FRMPD4: variants seen among roughly 807,000 people sequenced by gnomAD.
The protein encoded by FRMPD4 is FERM and PDZ domain containing 4.
A neutral mutation model predicts 94.1 loss-of-function variants in FRMPD4; 22 were observed. The observed-to-expected ratio is 0.23, with a 90% CI of 0.17 to 0.33. The LOEUF is 0.33. Ranked by LOEUF, FRMPD4 falls within the 10% of genes least tolerant of loss-of-function variation. FRMPD4 has a pLI of 1.00. For synonymous variants in FRMPD4, 631 were observed against 548.6 expected, an observed-to-expected ratio of 1.15 and a Z score of -2.10; for missense variants, 1,111 against 1,339.9, an observed-to-expected ratio of 0.83 and a Z score of 2.67.
chrX:12,095,366 ACTCT>A (rs1194265485), intron 3 of FRMPD4, among the ~76,000 whole-genome samples: 1 of 98,570 alleles, frequency 1.0e-5, no homozygotes, highest in Non-Finnish European at 2.0e-5. Context: ...TGAGAGTAAG[ACTCT>A]CTGTCTCAAA....
At chrX:12,039,222 T>C (rs2054738090) in intron 3 of FRMPD4, among the ~76,000 whole-genome samples, 3 of 106,555 alleles carry the variant, frequency 2.8e-5, no homozygotes. Flanking sequence ...TATTTATTTT[T>C]ATTTTTTTTT....
At chrX:12,399,546 ACAGT>A (rs929422847) in intron 1 of FRMPD4, among the ~76,000 whole-genome samples, 1 of 112,150 alleles carries the variant, frequency 8.9e-6, no homozygotes, top group South Asian at 3.7e-4. Context: ...AGTAACATAA[ACAGT>A]CAATTAACAC....
chrX:12,301,963 C>T (rs1432370055), intron 1 of FRMPD4, among the ~76,000 whole-genome samples: 2 of 112,152 alleles, frequency 1.8e-5, no homozygotes, highest in East Asian at 5.6e-4. Context: ...CTTTTACTGT[C>T]TCCACACAGC....
chrX:12,414,362 A>G (rs2056772309), intron 1 of FRMPD4, among the ~76,000 whole-genome samples: 1 of 112,444 alleles, frequency 8.9e-6, no homozygotes, highest in South Asian at 3.6e-4. Context: ...ATTATATTTG[A>G]ATCAAAGACT....
In FRMPD4 at chrX:12,191,935, T is replaced by C. The variant is rs182506351; in HGVS notation, c.41+52923T>C. On this transcript the variant is annotated intron_variant, in intron 1 of 16. Transcript: ENST00000675598. ...TTGTAATAAATGTACCACTGTGATA[T>C]GGGATTTTGATAGTTGGGGAGTCTG... 3.6e-5 allele frequency among the ~76,000 whole-genome samples: 4 copies of C among 111,919 alleles called. No homozygotes were observed. In the East Asian group the frequency reaches 8.5e-4, roughly 24 times the overall value.
chrX:12,682,834 G>A (rs772013390), intron 5 of FRMPD4, among the ~76,000 whole-genome samples: 1 of 111,900 alleles, frequency 8.9e-6, no homozygotes, highest in Non-Finnish European at 1.9e-5. Context: ...ATAAGATGAG[G>A]AAGAATATGA....
chrX:12,168,818 G>C (rs1601654083), intron 1 of FRMPD4, among the ~76,000 whole-genome samples: 1 of 110,011 alleles, frequency 9.1e-6, no homozygotes, highest in Non-Finnish European at 1.9e-5. Context: ...GTAGAGACGG[G>C]GTTTCACCAG....
chrX:12,593,047 A>G (rs781099516), intron 2 of FRMPD4, among the ~76,000 whole-genome samples: 20 of 111,601 alleles, frequency 1.8e-4, no homozygotes, highest in Non-Finnish European at 3.4e-4. Flanking sequence ...CAAGACTGGC[A>G]TCCTTGATTT....
intron 1 of FRMPD4, among the ~76,000 whole-genome samples, chrX:12,432,611 G>A (rs1356936281): frequency 2.7e-5 from 3 of 111,930 alleles, no homozygotes; most frequent in Admixed American, 9.4e-5. Context: ...GGCTGTCTTC[G>A]GTTCCTTGCT....
chrX:12,098,641 A>G (rs760933324), intron 3 of FRMPD4, among the ~76,000 whole-genome samples: 2 of 111,726 alleles, frequency 1.8e-5, no homozygotes, highest in South Asian at 7.6e-4. Context: ...TTTGCCCCCA[A>G]AGAAATAGTT....
chrX:12,717,171 A>G (rs1377713384), intron 15 of FRMPD4, 38 bp downstream of exon 15: 7 of 901,588 alleles, frequency 7.8e-6, no homozygotes, highest in Non-Finnish European at 9.3e-6. Flanking sequence ...ACTGATAACC[A>G]TATCATTCCA....
At chrX:12,308,618 C>T (rs1414668254) in intron 1 of FRMPD4, among the ~76,000 whole-genome samples, 12 of 111,156 alleles carry the variant, frequency 1.1e-4, no homozygotes. Context: ...CCTGATGAAG[C>T]GTGCCACAAC....
At chrX:12,638,398 A>G (rs987652479) in intron 4 of FRMPD4, among the ~76,000 whole-genome samples, 2 of 111,254 alleles carry the variant, frequency 1.8e-5, no homozygotes, top group African/African-American at 6.5e-5. Context: ...CATCATGCCC[A>G]GCTAATTTTT....
chrX:12,134,461 GT>G (rs1286116647), upstream of FRMPD4, among the ~76,000 whole-genome samples: 4 of 112,048 alleles, frequency 3.6e-5, no homozygotes, highest in African/African-American at 1.3e-4. Context: ...ATTTACTTCT[GT>G]TTTCAGGACT....
At chrX:12,157,395 A>G (rs1189374018) in intron 1 of FRMPD4, among the ~76,000 whole-genome samples, 1 of 110,615 alleles carries the variant, frequency 9.0e-6, no homozygotes, top group African/African-American at 3.3e-5. Flanking sequence ...GGTCAACCAT[A>G]CCTCATATAC....
chrX:12,213,629 A>C (rs144689856), intron 1 of FRMPD4, among the ~76,000 whole-genome samples: 8,781 of 111,682 alleles, frequency 0.079, 809 homozygotes, highest in African/African-American at 0.27. Flanking sequence ...GAGGTTCTTG[A>C]TGCATGAGAA....
intron 3 of FRMPD4, among the ~76,000 whole-genome samples, chrX:12,082,255 G>A (rs890741688): frequency 8.9e-6 from 1 of 111,808 alleles, no homozygotes; most frequent in African/African-American, 3.3e-5. Flanking sequence ...CCAGGGGGAT[G>A]TAATTGAATC....
At chrX:12,412,523 G>A (rs1480694815) in intron 1 of FRMPD4, among the ~76,000 whole-genome samples, 2 of 112,425 alleles carry the variant, frequency 1.8e-5, no homozygotes, top group Non-Finnish European at 3.8e-5. Flanking sequence ...GATACTTTTA[G>A]GAGTGATGTC....
rs368072489 is a variant in FRMPD4 at position 11,954,494 on chromosome X, A to C, written c.95+76476A>C. On this transcript the variant is annotated intron_variant, in intron 3 of 18. Coordinates refer to the FRMPD4 transcript ENST00000640291. ...GTTGTCCGGTTAGCACCACTTAAAAATAATCATCATGGTTGAAGTGTTTTT... is the reference window on the plus strand; with the variant it reads ...GTTGTCCGGTTAGCACCACTTAAAACTAATCATCATGGTTGAAGTGTTTTT... 1.3e-4 allele frequency among the ~76,000 whole-genome samples: 15 copies of C among 112,297 alleles called. No individual in the cohort carries two copies. The East Asian group carries it at 4.2e-3, about 31-fold the overall frequency.
Sources: allele counts gnomAD v4.1 joint callset (sites outside exome capture counted in the v4.1 genomes callset), GRCh38; gene constraint gnomAD v4.1.1; transcripts MANE v1.5; gene names NCBI Gene and HGNC (gene_info 2026-07-23, HGNC 2026-07-21).